The following MTMR1 variants were observed in gnomAD, a reference collection of about 807,000 sequenced individuals.
MTMR1 encodes the protein myotubularin related protein 1.
In MTMR1, 17 loss-of-function variants were observed where a neutral mutation model predicts 51.6. That is an observed-to-expected ratio of 0.33 (90% CI 0.23 to 0.49). MTMR1 has a LOEUF of 0.49. Among genes scored for constraint, MTMR1 ranks in the 20% least tolerant of loss-of-function variants. The probability of loss-of-function intolerance (pLI) is 0.99; values close to 1 mark genes in which losing one functional copy is unlikely to be tolerated. For synonymous variants in MTMR1, 201 were observed against 205.6 expected (o/e 0.98, Z 0.19); for missense variants, 386 against 526.9 (o/e 0.73, Z 2.62).
chrX:150,742,100 A>G (rs1266918705), intron 12 of MTMR1, among the ~76,000 whole-genome samples: 1 of 112,336 alleles, frequency 8.9e-6, no homozygotes, highest in Non-Finnish European at 1.9e-5. Context: ...GTCTATATAT[A>G]CAGTCATGTG....
chrX:150,740,591 C>A (rs2042396434), intron 12 of MTMR1, among the ~76,000 whole-genome samples: 1 of 111,837 alleles, frequency 8.9e-6, no homozygotes, highest in African/African-American at 3.3e-5. Flanking sequence ...CCCTGATGCT[C>A]CTGTAACTCA....
intron 3 of MTMR1, among the ~76,000 whole-genome samples, chrX:150,713,916 TACACAC>T (rs55969414): frequency 0.027 from 2,784 of 104,173 alleles, 36 homozygotes; most frequent in Non-Finnish European, 0.038. Context: ...TATGTGTGTA[TACACAC>T]ACACACACAC....
At chrX:150,750,952 A>G (rs2042711148) in intron 14 of MTMR1, 109 bp downstream of exon 14, 3 of 1,038,918 alleles carry the variant, frequency 2.9e-6, no homozygotes, top group South Asian at 2.1e-5. Context: ...CTCTGGTGCT[A>G]TTGCTGACTG....
chrX:150,719,342 A>G (rs2041670241), intron 4 of MTMR1, among the ~76,000 whole-genome samples: 1 of 111,825 alleles, frequency 8.9e-6, no homozygotes, highest in Admixed American at 9.4e-5. Context: ...TTTCTCCCAA[A>G]GAGGCGCACT....
chrX:150,747,892 T>C (rs1394984546), intron 13 of MTMR1, among the ~76,000 whole-genome samples: 2 of 111,839 alleles, frequency 1.8e-5, no homozygotes, highest in African/African-American at 6.5e-5. Context: ...TGAAGACTCA[T>C]TGTCATAGTC....
At chrX:150,739,426 G>A (rs1181345903) in intron 12 of MTMR1, among the ~76,000 whole-genome samples, 1 of 112,692 alleles carries the variant, frequency 8.9e-6, no homozygotes, top group Non-Finnish European at 1.9e-5. Context: ...GAGAGTGTGT[G>A]GAATCTTTCC....
At chrX:150,758,058 A>G (rs1354145291) in intron 15 of MTMR1, among the ~76,000 whole-genome samples, 4 of 111,472 alleles carry the variant, frequency 3.6e-5, no homozygotes, top group Admixed American at 9.5e-5. Flanking sequence ...GACTCGACAG[A>G]TGTGACTGAA....
intron 13 of MTMR1, among the ~76,000 whole-genome samples, chrX:150,747,505 T>C (rs2042608009): frequency 9.0e-6 from 1 of 111,666 alleles, no homozygotes; most frequent in African/African-American, 3.3e-5. Flanking sequence ...TACTGTGCTA[T>C]GTATTTTCGG....
At chrX:150,732,456 G>A (rs2042146104) in intron 9 of MTMR1, 86 bp from the exon 10 acceptor site, 2 of 880,844 alleles carry the variant, frequency 2.3e-6, no homozygotes, top group Non-Finnish European at 3.1e-6. Context: ...GACCGTGCTT[G>A]AGAAGGGAAC....
At chrX:150,735,260 C>T in intron 10 of MTMR1, 1 of 318,758 alleles carries the variant, frequency 3.1e-6, no homozygotes, top group Non-Finnish European at 5.4e-6. Context: ...TGTTTTAAGT[C>T]CCCCAGTTTG....
At chrX:150,759,111 C>A (rs995420814) in intron 15 of MTMR1, among the ~76,000 whole-genome samples, 2 of 112,657 alleles carry the variant, frequency 1.8e-5, no homozygotes, top group Non-Finnish European at 3.7e-5. Context: ...GCACTGTCCT[C>A]CTTTCTGACT....
intron 2 of MTMR1, among the ~76,000 whole-genome samples, chrX:150,700,971 A>C (rs1316103147): frequency 8.9e-6 from 1 of 112,538 alleles, no homozygotes; most frequent in Non-Finnish European, 1.9e-5. Context: ...TGTGTAGCTG[A>C]ATTAGCTCAT....
chrX:150,700,242 A>C (rs935296202), intron 2 of MTMR1, among the ~76,000 whole-genome samples: 1 of 112,140 alleles, frequency 8.9e-6, no homozygotes, highest in Admixed American at 9.4e-5. Context: ...TAAAGATCCT[A>C]ATTAATTCTT....
rs1198990517 is a variant in MTMR1 at position 150,693,548 on chromosome X, G to A, written c.18G>A (p.Ala6=). The A allele has an allele frequency of 4.0e-6, 3 of 759,399 alleles. No individual in the cohort carries two copies. Among genetic ancestry groups the A allele is most frequent in the Non-Finnish European group, 4.7e-6 (3 of 643,441 alleles). 62.6% of individuals were successfully genotyped at this position (759,399 alleles called of 1,213,427 possible). MDRPA[A]AAAAGCEGGG... The stretch of plus-strand genomic sequence containing the variant: ...GGCGCGCCATGGACAGGCCGGCGGC[G>A]GCGGCGGCGGCGGGCTGCGAGGGCG... Residue 6 remains alanine, a synonymous_variant, in exon 1 of 16, where the codon GCG becomes GCA. Coordinates refer to ENST00000445323, the MANE Select transcript of MTMR1 (RefSeq NM_001306144.3).
intron 3 of MTMR1, chrX:150,714,636 C>A (rs2041434874): frequency 1.8e-6 from 1 of 541,221 alleles, no homozygotes; most frequent in Admixed American, 3.8e-5. Flanking sequence ...GATGCCTCTA[C>A]CACAATAGTA....
chrX:150,736,382 G>A, intron 10 of MTMR1: 1 of 366,764 alleles, frequency 2.7e-6, no homozygotes, highest in African/African-American at 2.5e-5. Context: ...CAGACTTCCA[G>A]CCTCCAGAAC....
At chrX:150,736,359 G>A (rs1557417160) in intron 10 of MTMR1, 2 of 343,056 alleles carry the variant, frequency 5.8e-6, no homozygotes, top group South Asian at 6.9e-5. Context: ...TGGCACTGCC[G>A]ATACCTTGAA....
intron 14 of MTMR1, among the ~76,000 whole-genome samples, chrX:150,751,518 C>T (rs1181781560): frequency 9.0e-6 from 1 of 111,244 alleles, no homozygotes; most frequent in Non-Finnish European, 1.9e-5. Context: ...GCAGCCTCCC[C>T]ACAGTTGACA....
chrX:150,693,452 G>A lies in MTMR1; in HGVS notation c.-79G>A, dbSNP rs2040546289. On this transcript the variant is annotated 5_prime_UTR_variant, in exon 1 of 16. Coordinates refer to ENST00000445323, the MANE Select transcript of MTMR1 (RefSeq NM_001306144.3). ...GCGGGCGGTATAGAGCGGGCGGCAG[G>A]AGGCAAGCAGCGAAACCTTCCCGGC... The A allele has an allele frequency of 1.1e-5, 8 of 756,266 alleles. No homozygotes were observed. The highest frequency in any genetic ancestry group is 6.5e-5 in the South Asian group (1 of 15,327). The allele number at this position is 756,266 out of a possible 1,213,427, so 62.3% of individuals were successfully genotyped here. A position where few individuals can be genotyped will look rare whatever the true frequency, so the allele number is the denominator to read the frequency against.
Sources: gnomAD v4.1 joint callset for allele counts (sites outside exome capture counted in the v4.1 genomes callset) on GRCh38, gnomAD v4.1.1 for gene constraint, MANE v1.5 for transcripts, NCBI Gene and HGNC (gene_info 2026-07-23, HGNC 2026-07-21) for gene names.